MAD1L1: variants seen among roughly 807,000 people sequenced by gnomAD.
MAD1L1 encodes mitotic spindle assembly checkpoint protein MAD1.
MAD1L1 carries 95 observed loss-of-function variants against 96.9 expected under a neutral mutation model. That is an observed-to-expected ratio of 0.98 (90% CI 0.83 to 1.16). The LOEUF (loss-of-function observed/expected upper bound fraction) is 1.16, where lower values mean the gene tolerates loss of function less well. Among genes scored for constraint, MAD1L1 ranks in the 50% most tolerant of loss-of-function variants. MAD1L1 has a pLI of 0.00. For synonymous variants in MAD1L1, 473 were observed against 396.6 expected (o/e 1.19, Z -2.29); for missense variants, 1,007 against 954.4 (o/e 1.06, Z -0.73).
At chr7:1,834,535 A>C (rs1220517769) in intron 18 of MAD1L1, among the ~76,000 whole-genome samples, 1 of 152,208 alleles carries the variant, frequency 6.6e-6, no homozygotes, top group East Asian at 1.9e-4. Context: ...GATAAAATGG[A>C]CAAACTTCTG....
At chr7:1,883,766 T>A (rs1018056746) in intron 18 of MAD1L1, among the ~76,000 whole-genome samples, 6 of 152,110 alleles carry the variant, frequency 3.9e-5, no homozygotes, top group African/African-American at 1.4e-4. Context: ...CAGGCCGTAT[T>A]AAAAGGAAGG....
At chr7:1,902,060 G>C (rs1787279518) in intron 17 of MAD1L1, among the ~76,000 whole-genome samples, 1 of 152,196 alleles carries the variant, frequency 6.6e-6, no homozygotes, top group Admixed American at 6.5e-5. Context: ...GAGTCAGAGA[G>C]GATGCAGCGG....
intron 3 of MAD1L1, among the ~76,000 whole-genome samples, chr7:2,227,228 G>C (rs915214060): frequency 2.0e-5 from 3 of 152,078 alleles, no homozygotes; most frequent in Non-Finnish European, 4.4e-5. Flanking sequence ...CCCAGGAGAC[G>C]GAGGCTGCAG....
chr7:2,150,137 C>A (rs1013413514), intron 10 of MAD1L1, among the ~76,000 whole-genome samples: 1 of 152,178 alleles, frequency 6.6e-6, no homozygotes, highest in Non-Finnish European at 1.5e-5. Context: ...GAATGAGCAA[C>A]GGGGACCCCG....
At chr7:1,946,881 G>A (rs1779252410) in intron 16 of MAD1L1, among the ~76,000 whole-genome samples, 1 of 152,264 alleles carries the variant, frequency 6.6e-6, no homozygotes. Flanking sequence ...TGTGCCTCCA[G>A]GAGGCCTCGG....
At chr7:1,987,811 T>C (rs1362530647) in intron 14 of MAD1L1, among the ~76,000 whole-genome samples, 1 of 152,060 alleles carries the variant, frequency 6.6e-6, no homozygotes, top group Non-Finnish European at 1.5e-5. Flanking sequence ...GCAGCAGCGT[T>C]CTCAGAGGTA....
rs113153742 is a variant in MAD1L1, at chr7:1,892,130, C to T, written c.1998+6070G>A. Among the ~76,000 whole-genome samples the T allele has an allele frequency of 1.7e-3, 253 of 152,332 alleles. 2 individuals are homozygous for T. Among genetic ancestry groups the T allele is most frequent in the African/African-American group, 5.8e-3 (240 of 41,578 alleles). ...ATGGCACCTTTTCCATATTTAAACA[C>T]GTACAGACACGCAGATGCTTAGCAC... On this transcript the variant is annotated intron_variant, in intron 18 of 18. Transcript: ENST00000265854.
intron 12 of MAD1L1, among the ~76,000 whole-genome samples, chr7:2,056,596 C>T (rs1024096369): frequency 2.6e-5 from 4 of 152,218 alleles, no homozygotes; most frequent in Admixed American, 2.0e-4. Flanking sequence ...GAGATACCCA[C>T]GTGAGCGAGG....
chr7:1,931,153 C>T (rs1171435114), intron 17 of MAD1L1, among the ~76,000 whole-genome samples: 3 of 100,876 alleles, frequency 3.0e-5, no homozygotes, highest in Non-Finnish European at 6.0e-5. Context: ...CCCCCAACTC[C>T]TCACCCCACG....
chr7:2,095,982 G>A (rs754011515), intron 11 of MAD1L1, among the ~76,000 whole-genome samples: 5 of 152,254 alleles, frequency 3.3e-5, no homozygotes, highest in African/African-American at 9.6e-5. Flanking sequence ...AGGAGAGACG[G>A]GGTCCCTCAT....
At chr7:1,918,182 A>T (rs1020857087) in intron 17 of MAD1L1, among the ~76,000 whole-genome samples, 2 of 151,892 alleles carry the variant, frequency 1.3e-5, no homozygotes, top group Admixed American at 1.3e-4. Flanking sequence ...GCTCTGTGTG[A>T]CCCTCAGGAT....
At chr7:2,116,143 C>T (rs928798447) in intron 11 of MAD1L1, among the ~76,000 whole-genome samples, 3 of 152,226 alleles carry the variant, frequency 2.0e-5, no homozygotes, top group Admixed American at 1.3e-4. Context: ...TCCACACTGA[C>T]GTGTTGGCTG....
Position 1,919,656 on chromosome 7 carries a change from G to A in MAD1L1, c.1807+17031C>T, listed in dbSNP as rs559279737. On this transcript the variant is annotated intron_variant, in intron 17 of 18. Coordinates refer to ENST00000265854, the MANE Select transcript of MAD1L1 (RefSeq NM_001013836.2). ...TGAGCACACATCATGGGCCAGCGGT[G>A]CCTCTGCTATAAACACACCCTCCAC... Among the ~76,000 whole-genome samples, 33 of 152,326 alleles carry A rather than the reference G, an allele frequency of 2.2e-4. No homozygotes were observed. In the South Asian group the frequency reaches 6.0e-3, roughly 28 times the overall value.
chr7:1,852,548 G>A (rs550857360), intron 18 of MAD1L1, among the ~76,000 whole-genome samples: 2 of 152,332 alleles, frequency 1.3e-5, no homozygotes, highest in East Asian at 3.9e-4. Flanking sequence ...GCCGCCATCT[G>A]AGAGGTCCGG....
intron 17 of MAD1L1, among the ~76,000 whole-genome samples, chr7:1,931,229 ACCC>A (rs1253540335): frequency 7.0e-6 from 1 of 141,982 alleles, no homozygotes. Flanking sequence ...CCACGGGAAC[ACCC>A]CCAACTCCTC....
At chr7:2,161,554 G>A (rs1790125731) in intron 10 of MAD1L1, among the ~76,000 whole-genome samples, 1 of 152,086 alleles carries the variant, frequency 6.6e-6, no homozygotes, top group Admixed American at 6.5e-5. Flanking sequence ...GAGCGTCTCT[G>A]ACCGGCCGCC....
At chr7:2,033,950 GC>G (rs1389326320) in intron 12 of MAD1L1, among the ~76,000 whole-genome samples, 1 of 152,096 alleles carries the variant, frequency 6.6e-6, no homozygotes, top group African/African-American at 2.4e-5. Flanking sequence ...TTTTTAATTA[GC>G]CAGGCGGGGC....
At chr7:1,833,833 C>A (rs1448883526) in intron 18 of MAD1L1, among the ~76,000 whole-genome samples, 2 of 152,026 alleles carry the variant, frequency 1.3e-5, no homozygotes, top group Non-Finnish European at 2.9e-5. Context: ...CCCAGTTACT[C>A]GGGAGGCTGA....
intron 10 of MAD1L1, among the ~76,000 whole-genome samples, chr7:2,209,791 G>C (rs1277641563): frequency 6.6e-6 from 1 of 152,206 alleles, no homozygotes; most frequent in Non-Finnish European, 1.5e-5. Flanking sequence ...CAGCCACAGA[G>C]CCCTCTGCTT....
Sources: gnomAD v4.1 joint callset for allele counts (sites outside exome capture counted in the v4.1 genomes callset) on GRCh38, gnomAD v4.1.1 for gene constraint, MANE v1.5 for transcripts, NCBI Gene and HGNC (gene_info 2026-07-23, HGNC 2026-07-21) for gene names.